Variants in LIMD1 observed in about 807,000 individuals in gnomAD.
LIMD1 encodes LIM domain containing 1, also known as LIM domain-containing protein 1.
A neutral mutation model predicts 58.4 loss-of-function variants in LIMD1; 23 were observed. That is an observed-to-expected ratio of 0.39 (90% CI 0.28 to 0.56). The LOEUF (loss-of-function observed/expected upper bound fraction) is 0.56. Among genes scored for constraint, LIMD1 ranks in the 20% least tolerant of loss-of-function variants. The pLI is 0.57. For missense variants in LIMD1, 838 were observed against 855.5 expected, an observed-to-expected ratio of 0.98 and a Z score of 0.25; for synonymous variants, 334 against 345.5, an observed-to-expected ratio of 0.97 and a Z score of 0.37.
chr3:45,605,889 T>C (rs1357244072), intron 1 of LIMD1, among the ~76,000 whole-genome samples: 1 of 152,184 alleles, frequency 6.6e-6, no homozygotes, highest in Non-Finnish European at 1.5e-5. Context: ...TGATCATTTG[T>C]CATAGGACAG....
chr3:45,620,293 C>T (rs1334508204), intron 1 of LIMD1, among the ~76,000 whole-genome samples: 1 of 151,772 alleles, frequency 6.6e-6, no homozygotes, highest in East Asian at 1.9e-4. Flanking sequence ...ATTTGAGCAA[C>T]AAAATAAATA....
At chr3:45,673,346 G>T in intron 5 of LIMD1, 108 bp from the exon 6 acceptor site, 1 of 828,284 alleles carries the variant, frequency 1.2e-6, no homozygotes, top group Non-Finnish European at 2.1e-6. Context: ...GAGAGCAAGG[G>T]GCAGGAGGCG....
chr3:45,672,274 C>A (rs1697594562), intron 4 of LIMD1, among the ~76,000 whole-genome samples: 1 of 152,182 alleles, frequency 6.6e-6, no homozygotes, highest in Admixed American at 6.5e-5. Flanking sequence ...CTTCCCAAAT[C>A]TGGGAAGGAT....
rs114968307 is a variant in LIMD1, at chr3:45,638,399, A to G, written c.1510+2148A>G. 3.2e-4 allele frequency among the ~76,000 whole-genome samples: 48 copies of G among 152,342 alleles called. 1 individual carries two copies. The highest frequency in any genetic ancestry group is 3.4e-3 in the Middle Eastern group (1 of 294). ...CTTCTATTGGTCCTGTCACCCACAC[A>G]GTGAACATAGTACCCAGTAGAAAGT... On this transcript the variant is annotated intron_variant, in intron 2 of 7. Coordinates refer to ENST00000273317, the MANE Select transcript of LIMD1 (RefSeq NM_014240.3).
In LIMD1 at chr3:45,596,070, T is replaced by A. The variant is rs899807718; in HGVS notation, c.1191T>A (p.Pro397=). The A allele has an allele frequency of 1.7e-5, 27 of 1,614,010 alleles. No individual in the cohort carries two copies. The highest frequency in any genetic ancestry group is 2.2e-5 in the Non-Finnish European group (26 of 1,179,974). Reference sequence around the variant, plus strand: ...TCCATCCAGTGATGTCCACCCTGCCTGAGTTATCTTGTAAAGAGGGTCCCC... The same window carrying A: ...TCCATCCAGTGATGTCCACCCTGCCAGAGTTATCTTGTAAAGAGGGTCCCC... ...SLVHPVMSTL[P]ELSCKEGPLG... The change falls in exon 1 of 8, where the codon CCT becomes CCA. Residue 397 remains proline, a synonymous_variant. Coordinates refer to ENST00000273317, the MANE Select transcript of LIMD1 (RefSeq NM_014240.3).
chr3:45,624,172 C>T (rs1175217861), intron 1 of LIMD1, among the ~76,000 whole-genome samples: 1 of 152,200 alleles, frequency 6.6e-6, no homozygotes, highest in Admixed American at 6.5e-5. Flanking sequence ...GCTGATCTTT[C>T]TAGCATCCCT....
chr3:45,627,009 A>G (rs1217260916), intron 1 of LIMD1, among the ~76,000 whole-genome samples: 2 of 152,172 alleles, frequency 1.3e-5, no homozygotes, highest in African/African-American at 2.4e-5. Context: ...TTGACTATTA[A>G]TGATCTTTCA....
intron 1 of LIMD1, among the ~76,000 whole-genome samples, chr3:45,605,481 CTG>C (rs1463648322): frequency 6.6e-6 from 1 of 152,206 alleles, no homozygotes; most frequent in African/African-American, 2.4e-5. Context: ...AGTGTTAAGA[CTG>C]TCTGCAGAAA....
chr3:45,594,775 C>G lies in LIMD1; in HGVS notation c.-105C>G, dbSNP rs1056294645. On this transcript the variant is annotated 5_prime_UTR_variant, in exon 1 of 8. Transcript: ENST00000273317. ...CCTTCGCCAGCATCTCCCCGCTGCC[C>G]TCAACACACACACACACACACACAC... The G allele has an allele frequency of 2.8e-5, 22 of 797,552 alleles. No individual in the cohort carries two copies. Among genetic ancestry groups the G allele is most frequent in the African/African-American group, 2.4e-5 (1 of 41,144 alleles). The allele number at this position is 797,552 out of a possible 1,614,324, so 49.4% of individuals were successfully genotyped here.
chr3:45,635,947 G>T (rs1222962114), intron 1 of LIMD1: 1 of 985,300 alleles, frequency 1.0e-6, no homozygotes, highest in South Asian at 4.7e-5. Flanking sequence ...GGGACCTAAA[G>T]TCCAGCCTGG....
Position 45,594,942 on chromosome 3 carries a change from T to C in LIMD1, c.63T>C (p.Tyr21=). ...AATTCATCGAGGACCTGAACATGTA[T>C]GAGGCCTCTAAGGATGGGCTCTTCC... The part of the protein sequence containing the change: ...ASKFIEDLNM[Y]EASKDGLFRV... The change falls in exon 1 of 8, where the codon TAT becomes TAC. Residue 21 remains tyrosine, a synonymous_variant. Coordinates refer to ENST00000273317, the MANE Select transcript of LIMD1 (RefSeq NM_014240.3). 5.0e-6 allele frequency: 8 copies of C among 1,613,458 alleles called. No homozygotes were observed. Among genetic ancestry groups the C allele is most frequent in the Non-Finnish European group, 6.8e-6 (8 of 1,179,988 alleles).
At chr3:45,673,085 G>A (rs1697615344) in intron 5 of LIMD1, among the ~76,000 whole-genome samples, 1 of 151,838 alleles carries the variant, frequency 6.6e-6, no homozygotes, top group Non-Finnish European at 1.5e-5. Flanking sequence ...TTTGTAGCTA[G>A]GCCTCGGGAG....
At chr3:45,604,463 A>T (rs1701448084) in intron 1 of LIMD1, among the ~76,000 whole-genome samples, 1 of 152,148 alleles carries the variant, frequency 6.6e-6, no homozygotes, top group South Asian at 2.1e-4. Context: ...CAGGTCAATG[A>T]TGCATACGTG....
chr3:45,668,268 A>T (rs1697543539), intron 3 of LIMD1, 26 bp from the exon 4 acceptor site: 1 of 1,600,706 alleles, frequency 6.2e-7, no homozygotes, highest in South Asian at 1.1e-5. Context: ...GTCTGGGTTT[A>T]ACTTTCTTTT....
intron 7 of LIMD1, among the ~76,000 whole-genome samples, chr3:45,676,246 GAAA>G (rs964955239): frequency 2.1e-5 from 3 of 141,562 alleles, no homozygotes; most frequent in African/African-American, 7.8e-5. Context: ...TCTCAAAAAA[GAAA>G]AAAAAATCCA....
chr3:45,644,929 GAGA>G (rs1701886463), intron 2 of LIMD1, among the ~76,000 whole-genome samples: 1 of 152,208 alleles, frequency 6.6e-6, no homozygotes, highest in African/African-American at 2.4e-5. Context: ...ACCCATAGTA[GAGA>G]AATGGACTAA....
intron 2 of LIMD1, among the ~76,000 whole-genome samples, chr3:45,661,493 A>G (rs1433213205): frequency 6.6e-6 from 1 of 152,248 alleles, no homozygotes; most frequent in Non-Finnish European, 1.5e-5. Flanking sequence ...TTTGATGCTC[A>G]TTTTTAGCAA....
chr3:45,638,876 T>C (rs753233809), intron 2 of LIMD1, among the ~76,000 whole-genome samples: 1 of 152,220 alleles, frequency 6.6e-6, no homozygotes, highest in Non-Finnish European at 1.5e-5. Flanking sequence ...GATAATGATG[T>C]GGAGGTTTGT....
At chr3:45,604,967 G>A (rs1175849392) in intron 1 of LIMD1, among the ~76,000 whole-genome samples, 1 of 152,222 alleles carries the variant, frequency 6.6e-6, no homozygotes, top group Non-Finnish European at 1.5e-5. Context: ...CTTGCCAGGG[G>A]TCTTAAAAAG....
Sources: gnomAD v4.1 joint callset for allele counts (sites outside exome capture counted in the v4.1 genomes callset) on GRCh38, gnomAD v4.1.1 for gene constraint, MANE v1.5 for transcripts, NCBI Gene and HGNC (gene_info 2026-07-23, HGNC 2026-07-21) for gene names.